RASL10B: variants seen among roughly 807,000 people sequenced by gnomAD.
RASL10B encodes RAS like family 10 member B, also known as ras-like protein family member 10B.
A neutral mutation model predicts 20.7 loss-of-function variants in RASL10B; 10 were observed. The ratio of observed to expected loss-of-function variants is 0.48; its 90% CI spans 0.30 to 0.82. The LOEUF (loss-of-function observed/expected upper bound fraction) is 0.82. RASL10B is among the 40% of genes least tolerant of loss of function. The probability of loss-of-function intolerance (pLI) is 0.07; values close to 1 mark genes in which losing one functional copy is unlikely to be tolerated. For synonymous variants in RASL10B, 110 were observed against 123.3 expected (o/e 0.89, Z 0.72); for missense variants, 231 against 295.4 (o/e 0.78, Z 1.60).
rs2085635762 is a variant in RASL10B, at chr17:35,742,476, C to T, written c.*1171C>T. The T allele has an allele frequency of 6.5e-6, 1 of 152,754 alleles. No homozygotes were observed. Among genetic ancestry groups the T allele is most frequent in the South Asian group, 2.1e-4 (1 of 4,834 alleles). The allele number at this position is 152,754 out of a possible 1,614,324, so 9.5% of individuals were successfully genotyped here. On this transcript the variant is annotated 3_prime_UTR_variant, in exon 4 of 4. Coordinates refer to ENST00000603017, the MANE Select transcript of RASL10B (RefSeq NM_033315.4). ...ATGGAGGCCCTCAGGATCTGACACCCTCTTGTCCCAACACCAGTCAGCCCT... is the reference window on the plus strand; with the variant it reads ...ATGGAGGCCCTCAGGATCTGACACCTTCTTGTCCCAACACCAGTCAGCCCT...
rs1474019226 is a variant in RASL10B, at chr17:35,741,383, C to T, written c.*78C>T. 7.3e-7 allele frequency: 1 copy of T among 1,360,918 alleles called. No homozygotes were observed. The highest frequency in any genetic ancestry group is 9.4e-7 in the Non-Finnish European group (1 of 1,062,224). The allele number at this position is 1,360,918 out of a possible 1,614,324, so 84.3% of individuals were successfully genotyped here. ...CGTACTGCGGGGCTGGGGCGGGGAGCGGGCGGGAAATGGAACTGTGACGGT... is the reference window on the plus strand; with the variant it reads ...CGTACTGCGGGGCTGGGGCGGGGAGTGGGCGGGAAATGGAACTGTGACGGT... On this transcript the variant is annotated 3_prime_UTR_variant, in exon 4 of 4. Coordinates refer to ENST00000603017, the MANE Select transcript of RASL10B (RefSeq NM_033315.4).
intron 2 of RASL10B, among the ~76,000 whole-genome samples, chr17:35,737,606 C>T (rs587666004): frequency 6.6e-6 from 1 of 152,036 alleles, no homozygotes; most frequent in African/African-American, 2.4e-5. Flanking sequence ...CTGGAAATGG[C>T]ATTGTGAATA....
intron 1 of RASL10B, among the ~76,000 whole-genome samples, chr17:35,734,065 TG>T (rs587638451): frequency 5.5e-4 from 84 of 152,234 alleles, no homozygotes; most frequent in African/African-American, 2.0e-3. Context: ...GAGGCCAAGG[TG>T]GGTAGATCAC....
In RASL10B at chr17:35,740,462, G is replaced by A; in HGVS notation, c.270G>A (p.Leu90=). The change falls in exon 3 of 4, where the codon CTG becomes CTA. Residue 90 remains leucine (L), a synonymous_variant. Transcript: ENST00000603017. ...RGLRSVHAYI[L]VYDICCFDSF... The stretch of plus-strand genomic sequence containing the variant: ...TCCGGAGTGTCCACGCCTACATCCT[G>A]GTCTACGACATCTGCTGCTTTGACA... 6.2e-7 allele frequency: 1 copy of A among 1,614,038 alleles called. No homozygotes were observed. Among genetic ancestry groups the A allele is most frequent in the Non-Finnish European group, 8.5e-7 (1 of 1,179,984 alleles).
rs782587497 is a variant in RASL10B at position 35,735,280 on chromosome 17, C to G, written c.96C>G (p.Val32=). The change falls in exon 2 of 4, where the codon GTC becomes GTG. Residue 32 remains valine, a synonymous_variant. Transcript: ENST00000603017. This position sits in a 1 kb window ranked among gnomAD's most constrained non-coding sequence, Gnocchi z 6.7. ...TCTTGTACAACGAGTTCAGCGAGGT[C>G]TGCGTCCCCACCACCGCCCGCCGCC... ...RQFLYNEFSE[V]CVPTTARRLY... 2 of 1,613,956 alleles carry G rather than the reference C, an allele frequency of 1.2e-6. No homozygotes were observed. Among genetic ancestry groups the G allele is most frequent in the East Asian group, 2.2e-5 (1 of 44,894 alleles).
chr17:35,733,067 C>T (rs1459442425), intron 1 of RASL10B, among the ~76,000 whole-genome samples: 1 of 152,212 alleles, frequency 6.6e-6, no homozygotes, highest in African/African-American at 2.4e-5. Context: ...ACTCAACTGG[C>T]TATGAGGTCT....
rs891306116 is a variant in RASL10B at position 35,735,493 on chromosome 17, C to G, written c.216+93C>G. On this transcript the variant is annotated intron_variant, in intron 2 of 3. Transcript: ENST00000603017. The surrounding 1 kb of genome is among the most constrained non-coding windows in gnomAD (Gnocchi z 6.7). ...ACTGCTGTAGCTTGGGCCCTATTGC[C>G]AGGGCCCCATCACTGAGTTTGGGAG... 42 of 1,253,910 alleles carry G rather than the reference C, an allele frequency of 3.3e-5. No homozygotes were observed. Among genetic ancestry groups the G allele is most frequent in the Non-Finnish European group, 4.7e-5 (42 of 885,296 alleles). 77.7% of individuals were successfully genotyped at this position (1,253,910 alleles called of 1,614,324 possible).
intron 1 of RASL10B, among the ~76,000 whole-genome samples, chr17:35,734,481 G>T (rs1340052364): frequency 2.0e-5 from 3 of 152,184 alleles, no homozygotes; most frequent in African/African-American, 7.2e-5. Context: ...TGGTCATCTA[G>T]TGCAGCATTC....
chr17:35,742,608 A>G lies in RASL10B; in HGVS notation c.*1303A>G, dbSNP rs1555598188. ...GTTTTGTACCGATTTAGAAATAACA[A>G]TAATAATGAAGATTCTAGGAATGGC... On this transcript the variant is annotated 3_prime_UTR_variant, in exon 4 of 4. Transcript: ENST00000603017. The G allele has an allele frequency of 6.6e-6, 1 of 152,664 alleles. No homozygotes were observed. Among genetic ancestry groups the G allele is most frequent in the African/African-American group, 2.4e-5 (1 of 41,468 alleles). 9.5% of individuals were successfully genotyped at this position (152,664 alleles called of 1,614,324 possible). A position where few individuals can be genotyped will look rare whatever the true frequency, so the allele number is the denominator to read the frequency against.
chr17:35,738,931 C>T (rs587634919), intron 2 of RASL10B, among the ~76,000 whole-genome samples: 3 of 152,278 alleles, frequency 2.0e-5, no homozygotes, highest in Non-Finnish European at 4.4e-5. Context: ...CTTGGGGGAT[C>T]GTGGGAGCAT....
At position 35,742,053 on chromosome 17, in the gene RASL10B, T is replaced by C. The variant is rs2085632570; in HGVS notation, c.*748T>C. 1 of 151,784 alleles carries C rather than the reference T, an allele frequency of 6.6e-6. No individual in the cohort carries two copies. Among genetic ancestry groups the C allele is most frequent in the Non-Finnish European group, 1.5e-5 (1 of 68,020 alleles). 9.4% of individuals were successfully genotyped at this position (151,784 alleles called of 1,614,324 possible). On this transcript the variant is annotated 3_prime_UTR_variant, in exon 4 of 4. Coordinates refer to ENST00000603017, the MANE Select transcript of RASL10B (RefSeq NM_033315.4). ...GTCCCTGCCAGGTGCCCCTCACTCT[T>C]CCTGACCCCAAAGCCAGATCACCCC...
rs1483902044 is a variant in RASL10B, at chr17:35,731,759, G to C, written c.-267G>C. 6.6e-6 allele frequency: 1 copy of C among 151,996 alleles called. No individual in the cohort carries two copies. Among genetic ancestry groups the C allele is most frequent in the Non-Finnish European group, 1.5e-5 (1 of 67,972 alleles). 9.4% of individuals were successfully genotyped at this position (151,996 alleles called of 1,614,324 possible). A position where few individuals can be genotyped will look rare whatever the true frequency, so the allele number is the denominator to read the frequency against. ...CTGAGCCCGCCCCGACTGGGCAGGC[G>C]GGGGAGCCCCTACTTCTCTCCCCCC... On this transcript the variant is annotated 5_prime_UTR_variant, in exon 1 of 4. Transcript: ENST00000603017.
chr17:35,735,503 T>G lies in RASL10B; in HGVS notation c.216+103T>G. On this transcript the variant is annotated intron_variant, in intron 2 of 3. Coordinates refer to ENST00000603017, the MANE Select transcript of RASL10B (RefSeq NM_033315.4). The surrounding 1 kb of genome is among the most constrained non-coding windows in gnomAD (Gnocchi z 6.7). ...CTTGGGCCCTATTGCCAGGGCCCCA[T>G]CACTGAGTTTGGGAGCTCCACACTG... 2 of 1,169,800 alleles carry G rather than the reference T, an allele frequency of 1.7e-6. No individual in the cohort carries two copies. Among genetic ancestry groups the G allele is most frequent in the Non-Finnish European group, 2.4e-6 (2 of 817,452 alleles). 72.5% of individuals were successfully genotyped at this position (1,169,800 alleles called of 1,614,324 possible). A position where few individuals can be genotyped will look rare whatever the true frequency, so the allele number is the denominator to read the frequency against.
chr17:35,734,102 A>T (rs587653151), intron 1 of RASL10B, among the ~76,000 whole-genome samples: 1 of 152,206 alleles, frequency 6.6e-6, no homozygotes, highest in African/African-American at 2.4e-5. Context: ...CCAGGCCAAC[A>T]TGGCGAAACC....
In RASL10B at chr17:35,740,446, T is replaced by C. The variant is rs2085622354; in HGVS notation, c.254T>C (p.Val85Ala). The C allele has an allele frequency of 6.2e-7, 1 of 1,614,012 alleles. No individual in the cohort carries two copies. Among genetic ancestry groups the C allele is most frequent in the Non-Finnish European group, 8.5e-7 (1 of 1,179,956 alleles). The change falls in exon 3 of 4, where the codon GTC becomes GCC. Residue 85 changes from valine to alanine, a missense_variant. Coordinates refer to ENST00000603017, the MANE Select transcript of RASL10B (RefSeq NM_033315.4). ...ADTCCRGLRS[V>A]HAYILVYDIC... ...ACCTGCTGCAGGGGACTCCGGAGTG[T>C]CCACGCCTACATCCTGGTCTACGAC...
Position 35,731,783 on chromosome 17 carries a change from C to T in RASL10B, c.-243C>T, listed in dbSNP as rs1228816427. 1 of 151,974 alleles carries T rather than the reference C, an allele frequency of 6.6e-6. No individual in the cohort carries two copies. The highest frequency in any genetic ancestry group is 1.5e-5 in the Non-Finnish European group (1 of 67,984). The allele number at this position is 151,974 out of a possible 1,614,324, so 9.4% of individuals were successfully genotyped here. A position where few individuals can be genotyped will look rare whatever the true frequency, so the allele number is the denominator to read the frequency against. ...CGGGGGAGCCCCTACTTCTCTCCCC[C>T]CGGGCGGGGGAGCCGGGGGGCAGCG... On this transcript the variant is annotated 5_prime_UTR_variant, in exon 1 of 4. Transcript: ENST00000603017.
Position 35,733,840 on chromosome 17 carries a change from T to C in RASL10B, c.-147-1198T>C, listed in dbSNP as rs587774061. Reference sequence around the variant, plus strand: ...CCAGTTGAGAAGGTGATTTGCCCACTGACCTGCAGCAAGGACACACCAGAG... The same window carrying C: ...CCAGTTGAGAAGGTGATTTGCCCACCGACCTGCAGCAAGGACACACCAGAG... On this transcript the variant is annotated intron_variant, in intron 1 of 3. Coordinates refer to ENST00000603017, the MANE Select transcript of RASL10B (RefSeq NM_033315.4). Among the ~76,000 whole-genome samples the C allele has an allele frequency of 4.6e-5, 7 of 152,352 alleles. No homozygotes were observed. The East Asian group carries it at 1.4e-3, about 29-fold the overall frequency.
chr17:35,733,197 G>C (rs1555596586), intron 1 of RASL10B, among the ~76,000 whole-genome samples: 1 of 152,198 alleles, frequency 6.6e-6, no homozygotes, highest in Non-Finnish European at 1.5e-5. Flanking sequence ...TGCAACAGTA[G>C]ATAGCAGCCC....
At chr17:35,734,754 C>T (rs1555596842) in intron 1 of RASL10B, among the ~76,000 whole-genome samples, 2 of 152,200 alleles carry the variant, frequency 1.3e-5, no homozygotes, top group African/African-American at 4.8e-5. Context: ...TGGGATCAAA[C>T]CAAGTCCAGT....
Sources: allele counts gnomAD v4.1 joint callset (sites outside exome capture counted in the v4.1 genomes callset), GRCh38; gene constraint gnomAD v4.1.1; non-coding constraint Gnocchi (gnomAD v3.1); transcripts MANE v1.5; gene names NCBI Gene and HGNC (gene_info 2026-07-23, HGNC 2026-07-21).